SEMA5A: variants seen among roughly 807,000 people sequenced by gnomAD.
SEMA5A encodes semaphorin-5A.
Under a neutral mutation model 135.5 loss-of-function variants are expected in SEMA5A, and 55 were observed. That is an observed-to-expected ratio of 0.41 (90% CI 0.33 to 0.51). SEMA5A has a LOEUF of 0.51. SEMA5A is among the 20% of genes least tolerant of loss of function. The pLI is 0.37. For missense variants in SEMA5A, 1,290 were observed against 1,419.9 expected (o/e 0.91, Z 1.47); for synonymous variants, 580 against 546.5 (o/e 1.06, Z -0.85).
rs545539182 is a variant in SEMA5A, at chr5:9,410,699, G to C, written c.-78+27057C>G. 2.0e-5 allele frequency among the ~76,000 whole-genome samples: 3 copies of C among 152,154 alleles called. No homozygotes were observed. In the South Asian group the frequency reaches 6.2e-4, roughly 32 times the overall value. On this transcript the variant is annotated intron_variant, in intron 2 of 22. Coordinates refer to ENST00000382496, the MANE Select transcript of SEMA5A (RefSeq NM_003966.3). The stretch of plus-strand genomic sequence containing the variant: ...ACAGAGAGGCGAGCATCACACACCT[G>C]GGCCTTTTAGGAGGTGGGGGTGAGG...
At chr5:9,324,077 T>TA (rs1177863303) in intron 4 of SEMA5A, among the ~76,000 whole-genome samples, 1 of 151,972 alleles carries the variant, frequency 6.6e-6, no homozygotes, top group East Asian at 1.9e-4. Context: ...TTATTTTATT[T>TA]TTTTTTTTTG....
At chr5:9,353,317 A>G (rs11740686) in intron 3 of SEMA5A, among the ~76,000 whole-genome samples, 9 of 53,502 alleles carry the variant, frequency 1.7e-4, no homozygotes, top group African/African-American at 5.7e-4. Flanking sequence ...GGGAAGGGAA[A>G]GGAAGGAAAG....
intron 2 of SEMA5A, among the ~76,000 whole-genome samples, chr5:9,433,684 A>G (rs1192769702): frequency 6.6e-6 from 1 of 152,036 alleles, no homozygotes; most frequent in African/African-American, 2.4e-5. Flanking sequence ...ATTAGCAAAG[A>G]AACACAATGA....
intron 12 of SEMA5A, among the ~76,000 whole-genome samples, chr5:9,139,736 T>C (rs1290593324): frequency 6.6e-6 from 1 of 152,224 alleles, no homozygotes; most frequent in African/African-American, 2.4e-5. Flanking sequence ...TTTTATGCAG[T>C]AAAACTTATG....
intron 15 of SEMA5A, among the ~76,000 whole-genome samples, chr5:9,111,639 G>A (rs952464451): frequency 1.3e-5 from 2 of 152,116 alleles, no homozygotes; most frequent in Admixed American, 6.5e-5. Context: ...ATCTGCTGGC[G>A]TGTCACCCTC....
intron 11 of SEMA5A, among the ~76,000 whole-genome samples, chr5:9,166,376 T>A (rs1743609965): frequency 6.6e-6 from 1 of 152,092 alleles, no homozygotes; most frequent in Non-Finnish European, 1.5e-5. Context: ...ATCCCTCATA[T>A]CTCTGTTGCC....
At chr5:9,092,291 C>T (rs1739078057) in intron 16 of SEMA5A, among the ~76,000 whole-genome samples, 1 of 152,186 alleles carries the variant, frequency 6.6e-6, no homozygotes, top group African/African-American at 2.4e-5. Flanking sequence ...CCCAAAAGGG[C>T]TCAAGGCCAT....
chr5:9,122,825 T>C lies in SEMA5A; in HGVS notation c.1612A>G (p.Thr538Ala). The C allele has an allele frequency of 6.3e-7, 1 of 1,598,046 alleles. No individual in the cohort carries two copies. Among genetic ancestry groups the C allele is most frequent in the East Asian group, 2.3e-5 (1 of 44,312 alleles). ...CACACACCAAAGTGCCCATCCACGG[T>C]GAGATTCCTGGTCTAGGAAGCAAAA... is the stretch of plus-strand genomic sequence containing the variant. ...SISACPTRNL[T>A]VDGHFGVWSP... Residue 538 changes from threonine (T) to alanine (A), a missense_variant, in exon 14 of 23, where the codon ACC becomes GCC. Thr to Ala is a moderately conservative substitution (Grantham distance 58). Coordinates refer to ENST00000382496, the MANE Select transcript of SEMA5A (RefSeq NM_003966.3).
Position 9,051,972 on chromosome 5 carries a change from G to C in SEMA5A, c.2746C>G (p.Arg916Gly). Residue 916 changes from arginine to glycine, a missense_variant, in exon 20 of 23, where the codon CGC becomes GGC. By Grantham distance (125) the Arg-to-Gly change is moderately radical. Around this residue, in one of 3 missense-constraint regions of SEMA5A, gnomAD observed 1,029 missense variants for 1,086.6 expected, o/e 0.95. Coordinates refer to ENST00000382496, the MANE Select transcript of SEMA5A (RefSeq NM_003966.3). ...SECEASGVQVRARQCILLFPM... is the reference protein window; with the variant it reads ...SECEASGVQVGARQCILLFPM... ...AACAGGAGGATGCACTGGCGGGCGC[G>C]GACTTGGACGCCAGAGGCTTCACAC... 1 of 1,613,716 alleles carries C rather than the reference G, an allele frequency of 6.2e-7. No homozygotes were observed. Among genetic ancestry groups the C allele is most frequent in the East Asian group, 2.2e-5 (1 of 44,858 alleles).
chr5:9,237,591 G>A (rs1747978528), intron 6 of SEMA5A: 1 of 355,934 alleles, frequency 2.8e-6, no homozygotes, highest in Admixed American at 4.6e-5. Flanking sequence ...TGACAGAAAG[G>A]GCAAATTAGC....
intron 5 of SEMA5A, among the ~76,000 whole-genome samples, chr5:9,283,001 C>A (rs1750619414): frequency 6.6e-6 from 1 of 152,182 alleles, no homozygotes; most frequent in Non-Finnish European, 1.5e-5. Flanking sequence ...CCTGCCAACA[C>A]CCTGGCCTAA....
intron 1 of SEMA5A, among the ~76,000 whole-genome samples, chr5:9,459,771 G>C (rs1035589023): frequency 3.9e-5 from 6 of 152,140 alleles, no homozygotes; most frequent in African/African-American, 1.4e-4. Flanking sequence ...ATCTCAAGTT[G>C]TTAAATACAG....
intron 2 of SEMA5A, 135 bp from the exon 3 acceptor site, chr5:9,380,158 G>C: frequency 1.7e-6 from 1 of 573,844 alleles, no homozygotes; most frequent in South Asian, 2.6e-5. Flanking sequence ...GCTTAGAGCA[G>C]CATATTTTTC....
intron 18 of SEMA5A, among the ~76,000 whole-genome samples, chr5:9,057,274 A>C (rs1736945676): frequency 6.6e-6 from 1 of 152,250 alleles, no homozygotes; most frequent in Admixed American, 6.5e-5. Context: ...GGTAGATTTT[A>C]TGTTGAGTAT....
intron 1 of SEMA5A, among the ~76,000 whole-genome samples, chr5:9,473,268 G>A (rs1206441496): frequency 6.8e-6 from 1 of 147,012 alleles, no homozygotes; most frequent in African/African-American, 2.5e-5. Context: ...ACCTAGTCAA[G>A]TAAATGATTT....
chr5:9,536,479 G>C (rs1030582197), intron 1 of SEMA5A, among the ~76,000 whole-genome samples: 3 of 152,088 alleles, frequency 2.0e-5, no homozygotes, highest in African/African-American at 7.2e-5. Flanking sequence ...TGGGCATGAT[G>C]GTGCATGCTT....
chr5:9,062,677 C>G (rs148113377), intron 18 of SEMA5A, among the ~76,000 whole-genome samples: 1 of 152,090 alleles, frequency 6.6e-6, no homozygotes, highest in African/African-American at 2.4e-5. Flanking sequence ...TATTGCCCAG[C>G]CTTGAGTTCT....
At chr5:9,377,930 G>A (rs1755434546) in intron 3 of SEMA5A, among the ~76,000 whole-genome samples, 1 of 152,168 alleles carries the variant, frequency 6.6e-6, no homozygotes, top group Admixed American at 6.5e-5. Flanking sequence ...AACCCAGAGA[G>A]TAAAGAAGCT....
At chr5:9,327,139 T>A (rs1186851708) in intron 4 of SEMA5A, among the ~76,000 whole-genome samples, 3 of 152,196 alleles carry the variant, frequency 2.0e-5, no homozygotes, top group Non-Finnish European at 4.4e-5. Context: ...TATCACATTA[T>A]ATTTAAATAG....
Sources: gnomAD v4.1 joint callset for allele counts (sites outside exome capture counted in the v4.1 genomes callset) on GRCh38, gnomAD v4.1.1 for gene constraint, gnomAD v4.1.1 regional missense constraint, MANE v1.5 for transcripts, NCBI Gene and HGNC (gene_info 2026-07-23, HGNC 2026-07-21) for gene names.